CHRNE: variants seen among roughly 807,000 people sequenced by gnomAD.
CHRNE encodes the protein acetylcholine receptor subunit epsilon.
In CHRNE, 58 loss-of-function variants were observed where a neutral mutation model predicts 56.5. That is an observed-to-expected ratio of 1.03 (90% CI 0.83 to 1.28). The LOEUF is 1.28. Ranked by LOEUF, CHRNE falls within the 50% of genes most tolerant of loss-of-function variation. The pLI is 0.00. For missense variants in CHRNE, 793 were observed against 688.9 expected (o/e 1.15, Z -1.69); for synonymous variants, 385 against 297.9 (o/e 1.29, Z -3.01).
In CHRNE at chr17:4,899,060, A is replaced by AGCAGCGGACCTCGGGG. The variant is rs748694848; in HGVS notation, c.1251_1266dup (p.Cys423ProfsTer38). 3.7e-6 allele frequency: 6 copies of AGCAGCGGACCTCGGGG among 1,611,788 alleles called. No individual in the cohort carries two copies. In the African/African-American group the frequency reaches 4.0e-5, roughly 11 times the overall value. The stretch of plus-strand genomic sequence containing the variant: ...GCCACGAAGTTCACGGCATCCACAC[A>AGCAGCGGACCTCGGGG]GCAGCGGACCTCGGGGGCGGCGGCG... On this transcript the variant is annotated frameshift_variant, in exon 11 of 12. Coordinates refer to ENST00000649488, the MANE Select transcript of CHRNE (RefSeq NM_000080.4). LOFTEE classifies it high-confidence loss of function.
At chr17:4,905,401 C>T (rs981176261), upstream of CHRNE, among the ~76,000 whole-genome samples, 4 of 151,914 alleles carry the variant, frequency 2.6e-5, no homozygotes, top group African/African-American at 9.7e-5. Context: ...AATAAATAAA[C>T]AACAACAAAA....
In CHRNE at chr17:4,899,234, A is replaced by C. The variant is rs755802710; in HGVS notation, c.1183T>G (p.Phe395Val). 397 of 1,606,836 alleles carry C rather than the reference A, an allele frequency of 2.5e-4. No homozygotes were observed. Among genetic ancestry groups the C allele is most frequent in the Non-Finnish European group, 3.2e-4 (379 of 1,179,016 alleles). The change falls in exon 10 of 12, where the codon TTT (phenylalanine) becomes GTT (valine). Residue 395 changes from phenylalanine to valine, a missense_variant. Coordinates refer to ENST00000649488, the MANE Select transcript of CHRNE (RefSeq NM_000080.4). ...ILKKPRSELV[F>V]EGQRHRQGTW... ...CCCTGCCGGTGCCTCTGCCCCTCAA[A>C]CACGAGCTCGCTCCGTGGCTTTTTC...
intron 8 of CHRNE, 77 bp downstream of exon 8, chr17:4,900,716 T>G (rs1171836749): frequency 6.0e-6 from 9 of 1,500,324 alleles, no homozygotes; most frequent in African/African-American, 1.4e-5. Context: ...AGCCAGAGCT[T>G]TTCCCGGGGT....
At chr17:4,899,612 G>A (rs1444959949) in intron 8 of CHRNE, 30 bp from the exon 9 acceptor site, 1 of 1,513,246 alleles carries the variant, frequency 6.6e-7, no homozygotes. Context: ...TGACATCACC[G>A]TTCCTCCTCC....
rs749489742 is a variant in CHRNE at position 4,898,894 on chromosome 17, G to A, written c.1327-3C>T. Reference sequence around the variant, plus strand: ...ATGCGCACCCAGTCGGACACTTCCTGGGGAAGGGTCGGCACAGTCAGTAAA... The same window carrying A: ...ATGCGCACCCAGTCGGACACTTCCTAGGGAAGGGTCGGCACAGTCAGTAAA... On this transcript the variant is annotated splice_polypyrimidine_tract_variant and splice_region_variant and intron_variant, in intron 11 of 11. Coordinates refer to ENST00000649488, the MANE Select transcript of CHRNE (RefSeq NM_000080.4). The A allele has an allele frequency of 2.0e-5, 32 of 1,576,452 alleles. No homozygotes were observed. In the Admixed American group the frequency reaches 5.1e-4, roughly 25 times the overall value.
chr17:4,903,027 C>T lies in CHRNE; in HGVS notation c.37G>A (p.Gly13Arg), dbSNP rs372635387. 49 of 1,613,904 alleles carry T rather than the reference C, an allele frequency of 3.0e-5. No individual in the cohort carries two copies. The highest frequency in any genetic ancestry group is 1.6e-4 in the Middle Eastern group (1 of 6,084). Residue 13 changes from glycine (G) to arginine (R), a missense_variant, in exon 1 of 12, where the codon GGG becomes AGG. Coordinates refer to ENST00000649488, the MANE Select transcript of CHRNE (RefSeq NM_000080.4). ...TAGCCCCTGTCCGTACCGAGAAGCC[C>T]CAAGAGGAGCAGGACCCCAAGCGGA... ...RAPLGVLLLL[G>R]LLGRGVGKNE...
At chr17:4,901,394 G>T (rs1042802403) in intron 6 of CHRNE, 131 bp downstream of exon 6, 2 of 988,528 alleles carry the variant, frequency 2.0e-6, no homozygotes, top group Non-Finnish European at 3.2e-6. Context: ...ATGATTTCAG[G>T]ACAGGGGTAA....
upstream of CHRNE, among the ~76,000 whole-genome samples, chr17:4,907,294 G>T (rs142542942): frequency 9.0e-3 from 1,369 of 152,094 alleles, 50 homozygotes; most frequent in East Asian, 0.08. Flanking sequence ...CCGGGCGCGG[G>T]GGCTCACGCC....
chr17:4,899,414 G>A (rs530015297), intron 9 of CHRNE, 30 bp from the exon 10 acceptor site: 180 of 1,543,642 alleles, frequency 1.2e-4, no homozygotes, highest in Non-Finnish European at 7.9e-5. Context: ...TAGGGGACGA[G>A]GTTAGTACGA....
At chr17:4,899,616 C>T (rs1378446546) in intron 8 of CHRNE, 34 bp from the exon 9 acceptor site, 2 of 1,506,840 alleles carry the variant, frequency 1.3e-6, no homozygotes, top group Non-Finnish European at 1.8e-6. Context: ...ATCACCGTTC[C>T]TCCTCCCAGC....
chr17:4,901,873 C>CCCCCCCAAAGG, intron 5 of CHRNE, 59 bp downstream of exon 5: 1 of 1,476,120 alleles, frequency 6.8e-7, no homozygotes, highest in Non-Finnish European at 9.4e-7. Context: ...CGGTTGGCCC[C>CCCCCCCAAAGG]GCCCCATAAG....
At chr17:4,903,882 A>G (rs1282289561), upstream of CHRNE, among the ~76,000 whole-genome samples, 3 of 152,124 alleles carry the variant, frequency 2.0e-5, no homozygotes, top group Non-Finnish European at 2.9e-5. Flanking sequence ...TTTTGAGACC[A>G]AGTCTCGCTC....
chr17:4,900,748 C>G, intron 8 of CHRNE, 45 bp downstream of exon 8: 1 of 1,576,148 alleles, frequency 6.3e-7, no homozygotes, highest in Non-Finnish European at 8.7e-7. Flanking sequence ...GGCCACGCCC[C>G]CACCCTTCAC....
At chr17:4,906,787 A>C (rs1319506139), upstream of CHRNE, among the ~76,000 whole-genome samples, 1 of 152,216 alleles carries the variant, frequency 6.6e-6, no homozygotes, top group African/African-American at 2.4e-5. Flanking sequence ...GTTTAAAAAA[A>C]AAAGAAAAAA....
chr17:4,901,416 T>C, intron 6 of CHRNE, 109 bp downstream of exon 6: 1 of 1,081,570 alleles, frequency 9.2e-7, no homozygotes, highest in Admixed American at 1.8e-5. Context: ...CTAAACCCAG[T>C]TGTGGAAGTC....
At position 4,901,465 on chromosome 17, in the gene CHRNE, G is replaced by T. The variant is rs1969981918; in HGVS notation, c.601+60C>A. 3.3e-6 allele frequency: 5 copies of T among 1,510,958 alleles called. No homozygotes were observed. The Admixed American group carries it at 8.4e-5, about 25-fold the overall frequency. The allele number at this position is 1,510,958 out of a possible 1,614,324, so 93.6% of individuals were successfully genotyped here. ...GTTGGTCCGGGGCAAGCCCACCGTG[G>T]AAGTCCCCTCTCTGGACCCCGTCTA... On this transcript the variant is annotated intron_variant, in intron 6 of 11. Transcript: ENST00000649488.
chr17:4,901,063 G>T lies in CHRNE; in HGVS notation c.729C>A (p.Tyr243Ter), dbSNP rs1201122005. ...SLIIRRKPLF[Y>*]VINIIVPCVL... ...CACAGGGCACGATGATGTTAATGAC[G>T]TAGAAGAGCGGCTTCCGGCGGATGA... Residue 243 changes from tyrosine (Y) to a stop codon, truncating the protein, a stop_gained, in exon 7 of 12, where the codon TAC becomes TAA. Coordinates refer to ENST00000649488, the MANE Select transcript of CHRNE (RefSeq NM_000080.4). LOFTEE classifies it high-confidence loss of function. The T allele has an allele frequency of 6.2e-7, 1 of 1,614,038 alleles. No individual in the cohort carries two copies. The highest frequency in any genetic ancestry group is 2.2e-5 in the East Asian group (1 of 44,870).
At chr17:4,901,882 A>AG in intron 5 of CHRNE, 50 bp downstream of exon 5, 136 of 1,483,804 alleles carry the variant, frequency 9.2e-5, no homozygotes, top group Middle Eastern at 2.2e-4. Context: ...CCGCCCCATA[A>AG]GGCCCCCCCC....
intron 8 of CHRNE, chr17:4,900,019 G>A: frequency 1.9e-6 from 3 of 1,551,532 alleles, no homozygotes; most frequent in Non-Finnish European, 2.6e-6. Context: ...GGTTCAGAGA[G>A]CTGAAGTCCC....
Sources: allele counts gnomAD v4.1 joint callset (sites outside exome capture counted in the v4.1 genomes callset), GRCh38; gene constraint gnomAD v4.1.1; transcripts MANE v1.5; gene names NCBI Gene and HGNC (gene_info 2026-07-23, HGNC 2026-07-21).